SYNE3: variants seen among roughly 807,000 people sequenced by gnomAD.
SYNE3 encodes the protein spectrin repeat containing nuclear envelope family member 3, also known as nesprin-3.
In SYNE3, 100 loss-of-function variants were observed where a neutral mutation model predicts 111.2. That is an observed-to-expected ratio of 0.90 (90% CI 0.77 to 1.06). The LOEUF (loss-of-function observed/expected upper bound fraction) is 1.06. SYNE3 is among the 50% of genes least tolerant of loss of function. The pLI, the probability that SYNE3 is intolerant of heterozygous loss-of-function variation, is 0.00. For synonymous variants in SYNE3, 547 were observed against 533.9 expected (o/e 1.02, Z -0.34); for missense variants, 1,160 against 1,240.3 (o/e 0.94, Z 0.97).
intron 8 of SYNE3, among the ~76,000 whole-genome samples, chr14:95,446,651 G>A (rs1407180064): frequency 6.6e-6 from 1 of 152,200 alleles, no homozygotes. Context: ...GAGAATTCAG[G>A]AAGGCTTCCC....
At chr14:95,452,959 G>A (rs1169550455) in intron 6 of SYNE3, among the ~76,000 whole-genome samples, 2 of 152,192 alleles carry the variant, frequency 1.3e-5, no homozygotes, top group Admixed American at 1.3e-4. Flanking sequence ...TTCAACATGT[G>A]CAAACACTCC....
In SYNE3 at chr14:95,450,023, G is replaced by A; in HGVS notation, c.1357C>T (p.Gln453Ter). ...CGCTGGGCCAGGGCCTTCCACAGCT[G>A]CAGATCCTGCAGAGGCCGCTGGAAA... Reference protein sequence around the residue: ...QHFQRPLQDLQLWKALAQRLL... With the variant: ...QHFQRPLQDL The change falls in exon 8 of 18, where the codon CAG becomes TAG. Residue 453 changes from glutamine (Q) to a stop codon, truncating the protein, a stop_gained. Coordinates refer to ENST00000682763, the MANE Select transcript of SYNE3 (RefSeq NM_152592.6). LOFTEE classifies it high-confidence loss of function. 1 of 1,558,848 alleles carries A rather than the reference G, an allele frequency of 6.4e-7. No individual in the cohort carries two copies. The highest frequency in any genetic ancestry group is 1.2e-5 in the South Asian group (1 of 84,590).
intron 6 of SYNE3, among the ~76,000 whole-genome samples, chr14:95,453,189 C>T (rs536630784): frequency 1.7e-4 from 26 of 152,296 alleles, no homozygotes; most frequent in African/African-American, 6.0e-4. Context: ...GCCACTCTCA[C>T]CAACCACGTG....
intron 9 of SYNE3, among the ~76,000 whole-genome samples, chr14:95,445,511 ATGTAG>A (rs1886659517): frequency 6.6e-6 from 1 of 152,248 alleles, no homozygotes. Flanking sequence ...CATGTCATTG[ATGTAG>A]TGTAGTCATT....
chr14:95,448,839 C>T (rs1455151884), intron 8 of SYNE3, among the ~76,000 whole-genome samples: 1 of 152,220 alleles, frequency 6.6e-6, no homozygotes, highest in African/African-American at 2.4e-5. Flanking sequence ...ATTGGTTCTC[C>T]TCGGTCATAC....
Position 95,423,613 on chromosome 14 carries a change from T to G in SYNE3, c.2728-5587A>C, listed in dbSNP as rs1885265514. Among the ~76,000 whole-genome samples the G allele has an allele frequency of 3.4e-4, 5 of 14,632 alleles. 1 individual carries two copies. Among genetic ancestry groups the G allele is most frequent in the African/African-American group, 9.1e-4 (4 of 4,416 alleles). 9.6% of individuals were successfully genotyped at this position (14,632 alleles called of 152,430 possible). A position where few individuals can be genotyped will look rare whatever the true frequency, so the allele number is the denominator to read the frequency against. ...TGGGGATTTGATGGGGATGGGGATT[T>G]GATGGGGATGGGGATTTGATGGGGA... On this transcript the variant is annotated intron_variant, in intron 17 of 17. Transcript: ENST00000682763.
intron 6 of SYNE3, among the ~76,000 whole-genome samples, chr14:95,453,672 G>C (rs911978458): frequency 6.6e-6 from 1 of 152,246 alleles, no homozygotes; most frequent in Non-Finnish European, 1.5e-5. Flanking sequence ...TCAGTGGTCA[G>C]GAAAGCTGGC....
intron 17 of SYNE3, among the ~76,000 whole-genome samples, 174 bp downstream of exon 17, chr14:95,431,905 T>G (rs1029233971): frequency 6.6e-6 from 1 of 152,168 alleles, no homozygotes; most frequent in East Asian, 1.9e-4. Context: ...CTTCTTGAAA[T>G]CAAGAATCCT....
At chr14:95,499,627 G>A (rs938686589) in intron 1 of SYNE3, among the ~76,000 whole-genome samples, 3 of 152,094 alleles carry the variant, frequency 2.0e-5, no homozygotes, top group African/African-American at 4.8e-5. Context: ...CCCACCCACC[G>A]TTAAACCAGA....
rs112349845 is a variant in SYNE3, at chr14:95,438,898, T to C, written c.2376+135A>G. ...TGGCCACAGCTGGGGCAGGCTCAAATGAGACAGGACGTGGCCAAGTCCTCA... is the reference window on the plus strand; with the variant it reads ...TGGCCACAGCTGGGGCAGGCTCAAACGAGACAGGACGTGGCCAAGTCCTCA... On this transcript the variant is annotated intron_variant, in intron 14 of 17. Transcript: ENST00000682763. The C allele has an allele frequency of 5.0e-3, 6,250 of 1,253,928 alleles. 65 individuals are homozygous for C. The highest frequency in any genetic ancestry group is 0.028 in the African/African-American group (1,912 of 67,178). 77.7% of individuals were successfully genotyped at this position (1,253,928 alleles called of 1,614,324 possible). A position where few individuals can be genotyped will look rare whatever the true frequency, so the allele number is the denominator to read the frequency against.
At chr14:95,464,255 A>G (rs1888021887) in intron 4 of SYNE3, among the ~76,000 whole-genome samples, 1 of 152,212 alleles carries the variant, frequency 6.6e-6, no homozygotes, top group South Asian at 2.1e-4. Flanking sequence ...GGATATTCCC[A>G]TGGGCCAGAA....
intron 5 of SYNE3, 108 bp from the exon 6 acceptor site, chr14:95,455,832 G>T: frequency 8.7e-7 from 1 of 1,154,620 alleles, no homozygotes; most frequent in Non-Finnish European, 1.2e-6. Context: ...GATTCCTGGA[G>T]TCCTGCGTTA....
chr14:95,432,524 C>A (rs1298420699), intron 16 of SYNE3, among the ~76,000 whole-genome samples: 3 of 152,188 alleles, frequency 2.0e-5, no homozygotes, highest in Non-Finnish European at 4.4e-5. Context: ...AACTTAATGT[C>A]CGTGCCTCAG....
At chr14:95,425,720 T>G (rs78734236) in intron 17 of SYNE3, among the ~76,000 whole-genome samples, 3,288 of 152,326 alleles carry the variant, frequency 0.022, 247 homozygotes, top group Admixed American at 0.15. Context: ...GGGAATACTT[T>G]GTACATTCTG....
At position 95,426,246 on chromosome 14, in the gene SYNE3, G is replaced by A. The variant is rs1476096859; in HGVS notation, c.2727+5833C>T. Among the ~76,000 whole-genome samples, 10 of 152,310 alleles carry A rather than the reference G, an allele frequency of 6.6e-5. No homozygotes were observed. The East Asian group carries it at 1.2e-3, about 18-fold the overall frequency. On this transcript the variant is annotated intron_variant, in intron 17 of 17. Transcript: ENST00000682763. ...TGTAGACGGACGGAGTGGCGAGGCC[G>A]TGGGATGACACAGAGCATGGTTTGA...
chr14:95,472,629 C>T (rs544275557), intron 2 of SYNE3, among the ~76,000 whole-genome samples: 7 of 152,288 alleles, frequency 4.6e-5, no homozygotes, highest in Admixed American at 2.6e-4. Flanking sequence ...TCACTCTCCC[C>T]GGAAGCAAGC....
intron 6 of SYNE3, among the ~76,000 whole-genome samples, chr14:95,452,975 C>A (rs947762953): frequency 6.6e-5 from 10 of 152,204 alleles, no homozygotes. Flanking sequence ...ACTCCAGACA[C>A]AGCCTTTCAC....
chr14:95,483,603 G>A (rs889544556), intron 1 of SYNE3, among the ~76,000 whole-genome samples: 3 of 152,170 alleles, frequency 2.0e-5, no homozygotes, highest in Admixed American at 1.3e-4. Context: ...GGCACTGGCA[G>A]AAGGTGATTC....
intron 2 of SYNE3, among the ~76,000 whole-genome samples, chr14:95,475,461 T>C (rs757605308): frequency 3.3e-5 from 5 of 152,360 alleles, no homozygotes; most frequent in African/African-American, 7.2e-5. Flanking sequence ...TGGTATCACC[T>C]GGAACTTGTC....
Sources: gnomAD v4.1 joint callset for allele counts (sites outside exome capture counted in the v4.1 genomes callset) on GRCh38, gnomAD v4.1.1 for gene constraint, MANE v1.5 for transcripts, NCBI Gene and HGNC (gene_info 2026-07-23, HGNC 2026-07-21) for gene names.